Variants in ADGRL3 observed in about 807,000 individuals in gnomAD.
ADGRL3 encodes the protein calcium-independent alpha-latrotoxin receptor 3.
Under a neutral mutation model 153.5 loss-of-function variants are expected in ADGRL3, and 62 were observed. The observed-to-expected ratio is 0.40, with a 90% CI of 0.33 to 0.50. The LOEUF (loss-of-function observed/expected upper bound fraction) is 0.50, where lower values mean the gene tolerates loss of function less well. ADGRL3 is among the 20% of genes least tolerant of loss of function. The pLI, the probability that ADGRL3 is intolerant of heterozygous loss-of-function variation, is 0.47. For synonymous variants in ADGRL3, 710 were observed against 672.5 expected (o/e 1.06, Z -0.86); for missense variants, 1,641 against 1,859.4 (o/e 0.88, Z 2.16).
chr4:61,857,011 T>TCTTC (rs2098280928), intron 9 of ADGRL3, among the ~76,000 whole-genome samples: 1 of 146,246 alleles, frequency 6.8e-6, no homozygotes, highest in Non-Finnish European at 1.5e-5. Flanking sequence ...TTTCTTTCTT[T>TCTTC]CTTTCCTTCC....
At chr4:61,491,834 T>TA (rs2098261149) in intron 2 of ADGRL3, among the ~76,000 whole-genome samples, 1 of 152,172 alleles carries the variant, frequency 6.6e-6, no homozygotes, top group African/African-American at 2.4e-5. Context: ...TTTATATCAT[T>TA]AAAAAGGTAC....
At position 61,456,356 on chromosome 4, in the gene ADGRL3, TATAGAG is replaced by T. The variant is rs1165927049; in HGVS notation, c.-173-40761_-173-40756del. ...AAACCAGATATTTGAAGGAGATATA[TATAGAG>T]ATATAGATATATCTATATATATATA... On this transcript the variant is annotated intron_variant, in intron 2 of 26. Coordinates refer to ENST00000683033, the MANE Select transcript of ADGRL3 (RefSeq NM_001387552.1). 3.3e-4 allele frequency among the ~76,000 whole-genome samples: 48 copies of T among 143,326 alleles called. 2 individuals are homozygous for T. Among genetic ancestry groups the T allele is most frequent in the Non-Finnish European group, 5.4e-4 (36 of 66,210 alleles). The allele number at this position is 143,326 out of a possible 152,430, so 94.0% of individuals were successfully genotyped here.
At chr4:61,842,698 A>G (rs992234845) in intron 9 of ADGRL3, among the ~76,000 whole-genome samples, 7 of 152,236 alleles carry the variant, frequency 4.6e-5, no homozygotes, top group East Asian at 1.9e-4. Flanking sequence ...AATAAAGTCC[A>G]TCAGGTTTGT....
intron 1 of ADGRL3, among the ~76,000 whole-genome samples, chr4:61,330,836 G>A (rs2095558003): frequency 6.6e-6 from 1 of 152,032 alleles, no homozygotes; most frequent in African/African-American, 2.4e-5. Context: ...GTGCTGATTG[G>A]TGCATTTTTA....
At chr4:61,351,054 GA>G (rs1219643709) in intron 1 of ADGRL3, among the ~76,000 whole-genome samples, 1 of 152,116 alleles carries the variant, frequency 6.6e-6, no homozygotes, top group Non-Finnish European at 1.5e-5. Context: ...GAATACACAG[GA>G]AAAGTTCTTG....
intron 17 of ADGRL3, among the ~76,000 whole-genome samples, chr4:61,960,443 C>A (rs1560433531): frequency 6.6e-6 from 1 of 152,034 alleles, no homozygotes; most frequent in Non-Finnish European, 1.5e-5. Flanking sequence ...GCAGAACAGG[C>A]CGGAGGGTCT....
intron 9 of ADGRL3, among the ~76,000 whole-genome samples, chr4:61,860,073 A>G (rs1229174186): frequency 6.6e-6 from 1 of 152,168 alleles, no homozygotes; most frequent in Non-Finnish European, 1.5e-5. Context: ...CTGTTTTGAA[A>G]CAAAGCTTCT....
intron 9 of ADGRL3, among the ~76,000 whole-genome samples, chr4:61,892,055 G>A (rs2098591621): frequency 6.6e-6 from 1 of 152,084 alleles, no homozygotes; most frequent in South Asian, 2.1e-4. Context: ...TTTGAAAATT[G>A]TGTGAAGGTG....
intron 21 of ADGRL3, among the ~76,000 whole-genome samples, chr4:62,021,253 A>G (rs1386604503): frequency 6.6e-6 from 1 of 152,074 alleles, no homozygotes; most frequent in Non-Finnish European, 1.5e-5. Context: ...AACTACCAAG[A>G]TCTTTTACTT....
intron 8 of ADGRL3, among the ~76,000 whole-genome samples, chr4:61,800,922 T>C (rs1426012349): frequency 2.6e-5 from 4 of 152,204 alleles, no homozygotes; most frequent in African/African-American, 9.6e-5. Flanking sequence ...AATGGCTCTT[T>C]TGGAACTTCT....
rs1268430773 is a variant in ADGRL3, at chr4:61,574,242, A to G, written c.260-12985A>G. On this transcript the variant is annotated intron_variant, in intron 4 of 26. Transcript: ENST00000683033. ...TTTTTCGTAAAGCAGCCATATGTGC[A>G]TCTGTGTATATGTGTGTGTGCTTTT... Among the ~76,000 whole-genome samples, 10 of 151,982 alleles carry G rather than the reference A, an allele frequency of 6.6e-5. No homozygotes were observed. The East Asian group carries it at 1.9e-3, about 29-fold the overall frequency.
At chr4:61,848,797 A>G (rs1289202309) in intron 9 of ADGRL3, among the ~76,000 whole-genome samples, 1 of 152,276 alleles carries the variant, frequency 6.6e-6, no homozygotes, top group South Asian at 2.1e-4. Flanking sequence ...TTAGCTTCCT[A>G]TGGCTACGAT....
intron 8 of ADGRL3, among the ~76,000 whole-genome samples, chr4:61,799,607 A>G (rs1466772389): frequency 6.6e-6 from 1 of 152,102 alleles, no homozygotes; most frequent in Non-Finnish European, 1.5e-5. Context: ...AGAACCCCCA[A>G]GAGGCTAACC....
chr4:61,327,456 G>T (rs1259691856), intron 1 of ADGRL3, among the ~76,000 whole-genome samples: 3 of 151,742 alleles, frequency 2.0e-5, no homozygotes, highest in Admixed American at 6.6e-5. Context: ...ATTGGAGAGA[G>T]ATTACACATT....
intron 25 of ADGRL3, among the ~76,000 whole-genome samples, chr4:62,046,774 T>C (rs1241041841): frequency 1.3e-5 from 2 of 151,998 alleles, no homozygotes; most frequent in African/African-American, 4.8e-5. Flanking sequence ...CTTCATTTCC[T>C]GGATTAATTT....
intron 1 of ADGRL3, among the ~76,000 whole-genome samples, chr4:61,339,754 T>G (rs1373240132): frequency 2.0e-5 from 3 of 152,178 alleles, no homozygotes; most frequent in Non-Finnish European, 4.4e-5. Flanking sequence ...TGTACATTAA[T>G]ATAAATTGTC....
At chr4:61,568,928 C>G (rs988696558) in intron 4 of ADGRL3, among the ~76,000 whole-genome samples, 1 of 152,006 alleles carries the variant, frequency 6.6e-6, no homozygotes, top group Admixed American at 6.6e-5. Context: ...ATCTATGGAT[C>G]GTGACTAATG....
intron 9 of ADGRL3, among the ~76,000 whole-genome samples, chr4:61,820,240 CA>C (rs1483062569): frequency 4.6e-5 from 7 of 152,138 alleles, no homozygotes; most frequent in Non-Finnish European, 7.4e-5. Context: ...TACTAATGAG[CA>C]AAGTTGAGAG....
rs79755897 is a variant in ADGRL3, at chr4:61,647,967, C to T, written c.474-28859C>T. 3.4e-3 allele frequency among the ~76,000 whole-genome samples: 521 copies of T among 152,190 alleles called. 3 individuals are homozygous for T. The highest frequency in any genetic ancestry group is 0.012 in the African/African-American group (493 of 41,530). ...TAAATTTTTATGATCCATAATTTTC[C>T]TATTCTGTGGGAAGACGTTTTACCT... On this transcript the variant is annotated intron_variant, in intron 5 of 26. Coordinates refer to ENST00000683033, the MANE Select transcript of ADGRL3 (RefSeq NM_001387552.1).
Sources: gnomAD v4.1 joint callset for allele counts (sites outside exome capture counted in the v4.1 genomes callset) on GRCh38, gnomAD v4.1.1 for gene constraint, MANE v1.5 for transcripts, NCBI Gene and HGNC (gene_info 2026-07-23, HGNC 2026-07-21) for gene names.